The following EPX variants were observed in gnomAD, a reference collection of about 807,000 sequenced individuals.
EPX encodes the protein eosinophil peroxidase.
EPX carries 60 observed loss-of-function variants against 73.0 expected under a neutral mutation model. The observed-to-expected ratio is 0.82, with a 90% CI of 0.67 to 1.02. The LOEUF is 1.02. Among genes scored for constraint, EPX ranks in the 50% least tolerant of loss-of-function variants. EPX has a pLI of 0.00. For missense variants in EPX, 950 were observed against 973.9 expected, an observed-to-expected ratio of 0.98 and a Z score of 0.33; for synonymous variants, 347 against 389.2, an observed-to-expected ratio of 0.89 and a Z score of 1.28.
At chr17:58,196,832 T>C in intron 6 of EPX, 107 bp from the exon 7 acceptor site, 1 of 888,314 alleles carries the variant, frequency 1.1e-6, no homozygotes. Context: ...GAGGGCTTCC[T>C]GGAGGAAGGG....
In EPX at chr17:58,193,833, T is replaced by G; in HGVS notation, c.464+2T>G. ...CATCACTGGACGGTGCAACAACAAG[T>G]GCGTGCGGGGCGGCAGGAGGGGCTG... On this transcript the variant is annotated splice_donor_variant, in intron 4 of 12. Coordinates refer to ENST00000225371, the MANE Select transcript of EPX (RefSeq NM_000502.6). LOFTEE classifies it high-confidence loss of function. 6.2e-7 allele frequency: 1 copy of G among 1,610,146 alleles called. No homozygotes were observed.
chr17:58,194,580 C>T (rs1184194090), intron 5 of EPX, among the ~76,000 whole-genome samples: 1 of 152,204 alleles, frequency 6.6e-6, no homozygotes, highest in African/African-American at 2.4e-5. Flanking sequence ...CCCGTACTCC[C>T]TACGTGTATT....
chr17:58,195,835 A>T (rs1189828379), intron 6 of EPX, among the ~76,000 whole-genome samples: 3 of 152,052 alleles, frequency 2.0e-5, no homozygotes, highest in Non-Finnish European at 4.4e-5. Context: ...TTGCAACCTT[A>T]TCTATTCCTC....
At chr17:58,200,655 A>G (rs919151423) in intron 10 of EPX, among the ~76,000 whole-genome samples, 3 of 152,182 alleles carry the variant, frequency 2.0e-5, no homozygotes, top group African/African-American at 7.2e-5. Flanking sequence ...GGAGCTGAAA[A>G]AGGGAGGCTC....
chr17:58,192,815 C>T lies in EPX; in HGVS notation c.-32C>T, dbSNP rs759126131. ...TCCCGTGCAGGCTGTGGATGTCACTCACTTCCCAGCTGGTGAAGCCTCGCT... is the reference window on the plus strand; with the variant it reads ...TCCCGTGCAGGCTGTGGATGTCACTTACTTCCCAGCTGGTGAAGCCTCGCT... On this transcript the variant is annotated 5_prime_UTR_variant, in exon 1 of 13. Transcript: ENST00000225371. The T allele has an allele frequency of 8.1e-6, 13 of 1,597,782 alleles. No individual in the cohort carries two copies. In the East Asian group the frequency reaches 1.8e-4, roughly 22 times the overall value.
intron 11 of EPX, among the ~76,000 whole-genome samples, chr17:58,203,854 C>T (rs563284767): frequency 2.9e-5 from 4 of 135,798 alleles, no homozygotes; most frequent in African/African-American, 5.6e-5. Context: ...ATGGCGTGAA[C>T]CCGGGAGGCG....
intron 7 of EPX, 95 bp from the exon 8 acceptor site, chr17:58,198,945 A>C (rs1597967666): frequency 7.3e-7 from 1 of 1,369,664 alleles, no homozygotes; most frequent in Non-Finnish European, 1.0e-6. Context: ...AGTTTGGCCC[A>C]CCCCGTCTCT....
chr17:58,204,563 G>C (rs2143724253), intron 12 of EPX, 129 bp downstream of exon 12: 3 of 648,546 alleles, frequency 4.6e-6, no homozygotes, highest in Non-Finnish European at 8.2e-6. Flanking sequence ...CTCTTTCCAA[G>C]TGGCTTCCCA....
intron 9 of EPX, 115 bp downstream of exon 9, chr17:58,199,909 C>T (rs1443935514): frequency 3.6e-6 from 4 of 1,124,640 alleles, no homozygotes; most frequent in Admixed American, 4.6e-5. Flanking sequence ...CTGCTAATAT[C>T]TCCCCAGGAC....
rs903265253 is a variant in EPX, at chr17:58,195,303, A to G, written c.801+133A>G. 3.9e-6 allele frequency: 3 copies of G among 761,804 alleles called. No individual in the cohort carries two copies. The African/African-American group carries it at 5.1e-5, about 13-fold the overall frequency. The allele number at this position is 761,804 out of a possible 1,614,324, so 47.2% of individuals were successfully genotyped here. On this transcript the variant is annotated intron_variant, in intron 6 of 12. Transcript: ENST00000225371. ...TGTGGAGCTAGGGTATGAGACAGAGACACAAGAAACACAGCTGAGCAGAGA... is the reference window on the plus strand; with the variant it reads ...TGTGGAGCTAGGGTATGAGACAGAGGCACAAGAAACACAGCTGAGCAGAGA...
chr17:58,196,910 C>T (rs1968263936), intron 6 of EPX, 29 bp from the exon 7 acceptor site: 2 of 1,601,202 alleles, frequency 1.2e-6, no homozygotes, highest in Non-Finnish European at 1.7e-6. Context: ...TGAGGGGGCC[C>T]CATGTCACTG....
In EPX at chr17:58,197,359, C is replaced by A. The variant is rs955436119; in HGVS notation, c.1120+102C>A. ...TGTGGTGAAGGTACATGGTTTGGGA[C>A]CTCAGTATTAGGCACACCATAAGCA... On this transcript the variant is annotated intron_variant, in intron 7 of 12. Coordinates refer to ENST00000225371, the MANE Select transcript of EPX (RefSeq NM_000502.6). 10 of 1,389,122 alleles carry A rather than the reference C, an allele frequency of 7.2e-6. No homozygotes were observed. In the Admixed American group the frequency reaches 7.3e-5, roughly 10 times the overall value. The allele number at this position is 1,389,122 out of a possible 1,614,324, so 86.0% of individuals were successfully genotyped here.
intron 11 of EPX, among the ~76,000 whole-genome samples, chr17:58,203,931 CAAAAAAAAAAAAAAAAAAAAAAAAAA>C (rs567848038): frequency 1.3e-4 from 2 of 15,778 alleles, no homozygotes; most frequent in South Asian, 2.7e-3. Flanking sequence ...GACTCCGTCT[CAAAAAAAAAAAAAAAAAAAAAAAAAA>C]AAAAAAAAAA....
chr17:58,195,179 C>A lies in EPX; in HGVS notation c.801+9C>A. 1 of 1,609,942 alleles carries A rather than the reference C, an allele frequency of 6.2e-7. No individual in the cohort carries two copies. Among genetic ancestry groups the A allele is most frequent in the Non-Finnish European group, 8.5e-7 (1 of 1,176,712 alleles). Reference sequence around the variant, plus strand: ...CCTGCTTTCCCATCAAGGTACCTACCCTCAGCCAATCTCCCATGCCCTTGT... The same window carrying A: ...CCTGCTTTCCCATCAAGGTACCTACACTCAGCCAATCTCCCATGCCCTTGT... On this transcript the variant is annotated intron_variant, in intron 6 of 12. Coordinates refer to ENST00000225371, the MANE Select transcript of EPX (RefSeq NM_000502.6).
Position 58,192,780 on chromosome 17 carries a change from C to A in EPX, c.-67C>A. 1 of 1,350,280 alleles carries A rather than the reference C, an allele frequency of 7.4e-7. No individual in the cohort carries two copies. Among genetic ancestry groups the A allele is most frequent in the South Asian group, 1.2e-5 (1 of 82,298 alleles). The allele number at this position is 1,350,280 out of a possible 1,614,324, so 83.6% of individuals were successfully genotyped here. A position where few individuals can be genotyped will look rare whatever the true frequency, so the allele number is the denominator to read the frequency against. On this transcript the variant is annotated 5_prime_UTR_variant, in exon 1 of 13. Transcript: ENST00000225371. ...GGGGGTCCTCAAAGTGAGAGGGGAGCAGAGGATCCTCCCGTGCAGGCTGTG... is the reference window on the plus strand; with the variant it reads ...GGGGGTCCTCAAAGTGAGAGGGGAGAAGAGGATCCTCCCGTGCAGGCTGTG...
At chr17:58,201,436 G>A (rs562385611) in intron 10 of EPX, among the ~76,000 whole-genome samples, 16 of 152,100 alleles carry the variant, frequency 1.1e-4, no homozygotes, top group Non-Finnish European at 1.6e-4. Flanking sequence ...GAGAGAGGGC[G>A]GCTGAACAGC....
intron 10 of EPX, among the ~76,000 whole-genome samples, chr17:58,201,187 G>A (rs892076906): frequency 6.6e-6 from 1 of 152,116 alleles, no homozygotes; most frequent in African/African-American, 2.4e-5. Flanking sequence ...AGAACCTGAA[G>A]GCCCATCTGC....
In EPX at chr17:58,203,289, C is replaced by T. The variant is rs1317004103; in HGVS notation, c.1917C>T (p.Asn639=). 1 of 1,614,014 alleles carries T rather than the reference C, an allele frequency of 6.2e-7. No individual in the cohort carries two copies. Residue 639 remains asparagine (N), a synonymous_variant, in exon 11 of 13, where the codon AAC becomes AAT. Coordinates refer to ENST00000225371, the MANE Select transcript of EPX (RefSeq NM_000502.6). ...CTCTTCTGGCTTGTCTGTTCGAGAA[C>T]CAGTTCAGAAGAGCCCGAGACGGAG... ...VGPLLACLFE[N]QFRRARDGDR...
chr17:58,194,405 A>G (rs1408757862), intron 5 of EPX, among the ~76,000 whole-genome samples: 1 of 152,222 alleles, frequency 6.6e-6, no homozygotes, highest in East Asian at 1.9e-4. Context: ...AAGTCTTGCT[A>G]AATATAAACA....
Sources: gnomAD v4.1 joint callset for allele counts (sites outside exome capture counted in the v4.1 genomes callset) on GRCh38, gnomAD v4.1.1 for gene constraint, MANE v1.5 for transcripts, NCBI Gene and HGNC (gene_info 2026-07-23, HGNC 2026-07-21) for gene names.